Variants in ESCO2 observed in about 807,000 individuals in gnomAD.
The protein encoded by ESCO2 is establishment of sister chromatid cohesion N-acetyltransferase 2, also known as N-acetyltransferase ESCO2.
In ESCO2, 51 loss-of-function variants were observed where a neutral mutation model predicts 61.7. The observed-to-expected ratio is 0.83, with a 90% confidence interval of 0.66 to 1.04. ESCO2 has a LOEUF of 1.04. Among genes scored for constraint, ESCO2 ranks in the 50% least tolerant of loss-of-function variants. The pLI, the probability that ESCO2 is intolerant of heterozygous loss-of-function variation, is 0.00. For synonymous variants in ESCO2, 230 were observed against 238.2 expected (o/e 0.97, Z 0.32); for missense variants, 692 against 686.2 (o/e 1.01, Z -0.09).
downstream of ESCO2, among the ~76,000 whole-genome samples, chr8:27,808,803 A>C (rs1406709218): frequency 6.6e-6 from 1 of 152,118 alleles, no homozygotes; most frequent in East Asian, 1.9e-4. Flanking sequence ...AGAATAAAAA[A>C]AATTTTCTTC....
intron 5 of ESCO2, among the ~76,000 whole-genome samples, chr8:27,785,253 G>T (rs1043915693): frequency 1.3e-5 from 2 of 152,214 alleles, no homozygotes; most frequent in Admixed American, 1.3e-4. Flanking sequence ...TGAAGGTGGA[G>T]CCATCATGAG....
At chr8:27,785,153 C>T (rs751264308) in intron 5 of ESCO2, among the ~76,000 whole-genome samples, 11 of 152,178 alleles carry the variant, frequency 7.2e-5, no homozygotes, top group Non-Finnish European at 1.0e-4. Flanking sequence ...GATCCCATGG[C>T]GGAAGGCAGA....
At chr8:27,815,552 C>A (rs1805794131), downstream of ESCO2, among the ~76,000 whole-genome samples, 1 of 152,210 alleles carries the variant, frequency 6.6e-6, no homozygotes, top group South Asian at 2.1e-4. Flanking sequence ...ACATGGCCCA[C>A]ATGGGCAGTG....
downstream of ESCO2, among the ~76,000 whole-genome samples, chr8:27,815,581 A>G (rs1278115184): frequency 6.6e-6 from 1 of 152,234 alleles, no homozygotes; most frequent in African/African-American, 2.4e-5. Context: ...GCAATAAGGA[A>G]GGATACTTAC....
At chr8:27,780,410 CTG>C (rs973160846) in intron 4 of ESCO2, 143 bp downstream of exon 4, 6 of 636,232 alleles carry the variant, frequency 9.4e-6, no homozygotes, top group Admixed American at 2.7e-5. Context: ...CTCTGTGACA[CTG>C]TTTTCTGTAG....
chr8:27,815,895 A>G (rs570223005), downstream of ESCO2, among the ~76,000 whole-genome samples: 1 of 152,360 alleles, frequency 6.6e-6, no homozygotes, highest in South Asian at 2.1e-4. Flanking sequence ...TTGTTCTGAC[A>G]ACAAAAGTTT....
In ESCO2 at chr8:27,804,467, A is replaced by G. The variant is rs536880306; in HGVS notation, c.*1029A>G. 1.4e-4 allele frequency: 134 copies of G among 985,468 alleles called. No individual in the cohort carries two copies. The African/African-American group carries it at 1.9e-3, about 14-fold the overall frequency. The allele number at this position is 985,468 out of a possible 1,614,324, so 61.0% of individuals were successfully genotyped here. The stretch of plus-strand genomic sequence containing the variant: ...AATGTATGGTAATAGAACCAAGGTT[A>G]GTAAATATACATAGGCTGGTGGATG... On this transcript the variant is annotated 3_prime_UTR_variant, in exon 11 of 11. Transcript: ENST00000305188.
At chr8:27,795,224 T>C (rs938470808) in intron 9 of ESCO2, among the ~76,000 whole-genome samples, 1 of 152,164 alleles carries the variant, frequency 6.6e-6, no homozygotes, top group Non-Finnish European at 1.5e-5. Flanking sequence ...CTTCAGTGTA[T>C]GGATTTTCAC....
At chr8:27,779,123 C>T (rs1178895331) in intron 3 of ESCO2, 1 of 152,272 alleles carries the variant, frequency 6.6e-6, no homozygotes, top group African/African-American at 2.4e-5. Flanking sequence ...CCCTCTCAGC[C>T]AGGCTGGTCT....
intron 8 of ESCO2, 23 bp downstream of exon 8, chr8:27,792,075 C>A (rs753617244): frequency 6.2e-7 from 1 of 1,610,902 alleles, no homozygotes. Context: ...ATCTTTTTAT[C>A]TCTTGCCTTT....
At chr8:27,784,886 T>A (rs1400861617) in intron 5 of ESCO2, among the ~76,000 whole-genome samples, 1 of 152,184 alleles carries the variant, frequency 6.6e-6, no homozygotes, top group African/African-American at 2.4e-5. Context: ...CCTCAGTGAT[T>A]AGGATGGGTG....
intron 5 of ESCO2, 23 bp from the exon 6 acceptor site, chr8:27,787,858 TTATA>T: frequency 6.4e-7 from 1 of 1,551,538 alleles, no homozygotes; most frequent in Non-Finnish European, 8.9e-7. Flanking sequence ...AATTGTAAAT[TTATA>T]TATATCAACT....
downstream of ESCO2, chr8:27,812,657 A>T (rs1012531217): frequency 8.6e-5 from 13 of 151,972 alleles, no homozygotes; most frequent in Middle Eastern, 3.4e-3. Context: ...AAAAGTGGGC[A>T]AAGGATATGA....
intron 9 of ESCO2, among the ~76,000 whole-genome samples, chr8:27,793,019 T>C (rs62498039): frequency 1.2e-3 from 176 of 152,358 alleles, no homozygotes; most frequent in Non-Finnish European, 2.1e-3. Flanking sequence ...CAGTCTTTTA[T>C]GTTCATGTAG....
At chr8:27,774,912 G>T (rs1326579138) in intron 1 of ESCO2, 2 of 154,062 alleles carry the variant, frequency 1.3e-5, no homozygotes, top group African/African-American at 4.8e-5. Flanking sequence ...CCCCAGAGGG[G>T]TCCCCCCTTA....
chr8:27,803,545 CTCAT>C lies in ESCO2; in HGVS notation c.*108_*111del. The C allele has an allele frequency of 4.4e-6, 6 of 1,369,896 alleles. No individual in the cohort carries two copies. The highest frequency in any genetic ancestry group is 3.9e-6 in the Non-Finnish European group (4 of 1,034,550). 84.9% of individuals were successfully genotyped at this position (1,369,896 alleles called of 1,614,324 possible). Reference sequence around the variant, plus strand: ...AAAATAAAAAATACCGAGACTCACACTCATACACACACACACACACACGCACACA... The same window carrying C: ...AAAATAAAAAATACCGAGACTCACACACACACACACACACACACGCACACA... On this transcript the variant is annotated 3_prime_UTR_variant, in exon 11 of 11. Coordinates refer to ENST00000305188, the MANE Select transcript of ESCO2 (RefSeq NM_001017420.3).
the ESCO2 span, among the ~76,000 whole-genome samples, chr8:27,819,085 C>T: frequency 1.3e-5 from 2 of 152,158 alleles, no homozygotes; most frequent in Non-Finnish European, 2.9e-5. Context: ...TGAGTATCAT[C>T]GCTTTAATTA....
Position 27,804,888 on chromosome 8 carries a change from TC to T in ESCO2, c.*1451del. ...GCTTTTGTTATGAATCAATTAAAAT[TC>T]TTTATTTTATACAACTAAATCTGAT... On this transcript the variant is annotated 3_prime_UTR_variant, in exon 11 of 11. Coordinates refer to ENST00000305188, the MANE Select transcript of ESCO2 (RefSeq NM_001017420.3). 4.1e-6 allele frequency: 2 copies of T among 488,564 alleles called. No individual in the cohort carries two copies. The highest frequency in any genetic ancestry group is 5.3e-6 in the Non-Finnish European group (2 of 376,340). The allele number at this position is 488,564 out of a possible 1,614,324, so 30.3% of individuals were successfully genotyped here.
chr8:27,783,123 A>G (rs935163551), intron 4 of ESCO2, among the ~76,000 whole-genome samples: 1 of 152,124 alleles, frequency 6.6e-6, no homozygotes, highest in East Asian at 1.9e-4. Flanking sequence ...AAATTTCCCT[A>G]TGCCTACATT....
Sources: allele counts gnomAD v4.1 joint callset (sites outside exome capture counted in the v4.1 genomes callset), GRCh38; gene constraint gnomAD v4.1.1; transcripts MANE v1.5; gene names NCBI Gene and HGNC (gene_info 2026-07-23, HGNC 2026-07-21).